PROX1: variants seen among roughly 807,000 people sequenced by gnomAD.
PROX1 encodes the protein prospero homeobox 1, also known as prospero homeobox protein 1.
Under a neutral mutation model 58.8 loss-of-function variants are expected in PROX1, and 7 were observed. The ratio of observed to expected loss-of-function variants is 0.12; its 90% CI spans 0.07 to 0.22. The LOEUF is 0.22. Among genes scored for constraint, PROX1 ranks in the 10% least tolerant of loss-of-function variants. The pLI is 1.00. For missense variants in PROX1, 675 were observed against 927.8 expected, an observed-to-expected ratio of 0.73 and a Z score of 3.54; for synonymous variants, 350 against 358.3, an observed-to-expected ratio of 0.98 and a Z score of 0.26.
intron 4 of PROX1, among the ~76,000 whole-genome samples, chr1:214,032,021 T>G (rs1484111084): frequency 6.6e-6 from 1 of 152,244 alleles, no homozygotes; most frequent in Non-Finnish European, 1.5e-5. Flanking sequence ...CTATATTAAC[T>G]AATCATTTTA....
At chr1:213,992,908 C>T (rs1434658417) in intron 1 of PROX1, among the ~76,000 whole-genome samples, 1 of 152,154 alleles carries the variant, frequency 6.6e-6, no homozygotes, top group African/African-American at 2.4e-5. Context: ...AAATTCTTTC[C>T]TCCTAACCTT....
At chr1:214,022,528 G>T (rs1405252404) in intron 4 of PROX1, among the ~76,000 whole-genome samples, 2 of 152,210 alleles carry the variant, frequency 1.3e-5, no homozygotes, top group African/African-American at 4.8e-5. Flanking sequence ...TTTCACAAGA[G>T]CAAGTGTTCC....
intron 4 of PROX1, among the ~76,000 whole-genome samples, chr1:214,017,575 A>T (rs1041416552): frequency 6.6e-6 from 1 of 152,020 alleles, no homozygotes; most frequent in Non-Finnish European, 1.5e-5. Context: ...TTTAAAAAAA[A>T]AAAAAATCGT....
intron 4 of PROX1, among the ~76,000 whole-genome samples, chr1:214,013,567 G>A (rs955663144): frequency 2.5e-4 from 1 of 4,034 alleles, no homozygotes; most frequent in East Asian, 0.25. Context: ...AAGTGCGCAC[G>A]AGGGTTTTCG....
intron 4 of PROX1, among the ~76,000 whole-genome samples, chr1:214,015,864 C>T (rs983521731): frequency 6.6e-6 from 1 of 152,178 alleles, no homozygotes; most frequent in Non-Finnish European, 1.5e-5. Context: ...CCACACATCC[C>T]TCCTGGGCCC....
intron 1 of PROX1, among the ~76,000 whole-genome samples, chr1:213,995,341 C>G (rs528795537): frequency 6.6e-6 from 1 of 152,288 alleles, no homozygotes; most frequent in South Asian, 2.1e-4. Context: ...AGGATGTTCT[C>G]TTTTTATACT....
In PROX1 at chr1:214,038,295, G is replaced by A. The variant is rs1030985851; in HGVS notation, c.*2461G>A. On this transcript the variant is annotated 3_prime_UTR_variant, in exon 5 of 5. Coordinates refer to ENST00000366958, the MANE Select transcript of PROX1 (RefSeq NM_001270616.2). ...ATAGAACTTTATCACTATGCTTTCC[G>A]GTGGTTTTCCCTTTTACAATCGAAA... is the stretch of plus-strand genomic sequence containing the variant. The A allele has an allele frequency of 6.6e-6, 1 of 151,998 alleles. No individual in the cohort carries two copies. The highest frequency in any genetic ancestry group is 1.5e-5 in the Non-Finnish European group (1 of 67,990). 9.4% of individuals were successfully genotyped at this position (151,998 alleles called of 1,614,324 possible). A position where few individuals can be genotyped will look rare whatever the true frequency, so the allele number is the denominator to read the frequency against.
At chr1:214,013,864 T>C (rs997481857) in intron 4 of PROX1, among the ~76,000 whole-genome samples, 2 of 152,190 alleles carry the variant, frequency 1.3e-5, no homozygotes, top group Non-Finnish European at 2.9e-5. Context: ...CTCATGTGAC[T>C]TCGGACAGTT....
chr1:214,028,154 C>A (rs1453290113), intron 4 of PROX1, among the ~76,000 whole-genome samples: 1 of 152,074 alleles, frequency 6.6e-6, no homozygotes, highest in Admixed American at 6.5e-5. Flanking sequence ...TGCTGGAGAA[C>A]CTTCCTCTGC....
At chr1:214,000,776 C>T (rs1043209472) in intron 2 of PROX1, among the ~76,000 whole-genome samples, 6 of 152,134 alleles carry the variant, frequency 3.9e-5, no homozygotes, top group African/African-American at 1.4e-4. Flanking sequence ...AGAGATTGGG[C>T]CCACTTTTCT....
rs546375546 is a variant in PROX1, at chr1:214,038,954, C to G, written c.*3120C>G. The G allele has an allele frequency of 1.8e-4, 28 of 152,228 alleles. No individual in the cohort carries two copies. The highest frequency in any genetic ancestry group is 6.7e-4 in the African/African-American group (28 of 41,542). 9.4% of individuals were successfully genotyped at this position (152,228 alleles called of 1,614,324 possible). On this transcript the variant is annotated 3_prime_UTR_variant, in exon 5 of 5. Transcript: ENST00000366958. ...CGAGTTTTGAAAATTCTTGTAGAAG[C>G]CAATTTTTTGTAACTGTGGTGCAAA...
intron 3 of PROX1, among the ~76,000 whole-genome samples, chr1:214,007,387 G>A (rs1373546657): frequency 6.6e-6 from 1 of 152,210 alleles, no homozygotes; most frequent in Non-Finnish European, 1.5e-5. Context: ...GAACATATCA[G>A]GCAAAGCAGA....
rs1664920029 is a variant in PROX1 at position 214,039,038 on chromosome 1, CTA to C, written c.*3210_*3211del. 1 of 152,092 alleles carries C rather than the reference CTA, an allele frequency of 6.6e-6. No individual in the cohort carries two copies. Among genetic ancestry groups the C allele is most frequent in the Non-Finnish European group, 1.5e-5 (1 of 68,016 alleles). The allele number at this position is 152,092 out of a possible 1,614,324, so 9.4% of individuals were successfully genotyped here. ...TAGAAGCAATATTTCATACCATGTG[CTA>C]TATATGTGTGCGCAGATGTGTGAAC... On this transcript the variant is annotated 3_prime_UTR_variant, in exon 5 of 5. Transcript: ENST00000366958.
intron 4 of PROX1, among the ~76,000 whole-genome samples, chr1:214,012,702 T>C (rs1558179547): frequency 6.6e-6 from 1 of 152,214 alleles, no homozygotes; most frequent in Non-Finnish European, 1.5e-5. Context: ...ACAAAGTTGG[T>C]CCATTTCTTG....
At chr1:214,004,965 T>G (rs1168614807) in intron 2 of PROX1, among the ~76,000 whole-genome samples, 200 bp from the exon 3 acceptor site, 3 of 152,206 alleles carry the variant, frequency 2.0e-5, no homozygotes, top group African/African-American at 7.2e-5. Flanking sequence ...CCATTGCATG[T>G]GGCAACCTCT....
chr1:213,997,438 G>T lies in PROX1; in HGVS notation c.903G>T (p.Glu301Asp), dbSNP rs777269627. The T allele has an allele frequency of 6.2e-7, 1 of 1,614,122 alleles. No homozygotes were observed. The highest frequency in any genetic ancestry group is 8.5e-7 in the Non-Finnish European group (1 of 1,180,032). The change falls in exon 2 of 5, where the codon GAG (glutamate) becomes GAT (aspartate). Residue 301 changes from glutamate (E) to aspartate (D), a missense_variant. This residue lies in a region of PROX1 where 403 missense variants were observed against 477.4 expected (regional missense o/e 0.84). Transcript: ENST00000366958. The surrounding 1 kb of genome is among the most constrained non-coding windows in gnomAD (Gnocchi z 7.1). ...GAAGGTCAGATAATGAGATGTGCGA[G>T]CTAGACCCAGGACAGTTTATTGACC... ...SVGRSDNEMC[E>D]LDPGQFIDRA... is the part of the protein sequence containing the mutation.
intron 2 of PROX1, among the ~76,000 whole-genome samples, chr1:214,003,954 T>C (rs1663614296): frequency 6.9e-6 from 1 of 145,668 alleles, no homozygotes; most frequent in South Asian, 2.1e-4. Flanking sequence ...GAAATTTTTG[T>C]TGGGTAGTTG....
At chr1:214,000,337 G>T (rs974680615) in intron 2 of PROX1, among the ~76,000 whole-genome samples, 6 of 152,138 alleles carry the variant, frequency 3.9e-5, no homozygotes, top group South Asian at 4.1e-4. Context: ...CAAATCCCCG[G>T]AGGAATTTTG....
At chr1:214,000,026 T>G (rs114847597) in intron 2 of PROX1, among the ~76,000 whole-genome samples, 1 of 135,554 alleles carries the variant, frequency 7.4e-6, no homozygotes, top group Non-Finnish European at 1.6e-5. Context: ...GGGTTCTTTC[T>G]GTCTCTCTCT....
Sources: gnomAD v4.1 joint callset for allele counts (sites outside exome capture counted in the v4.1 genomes callset) on GRCh38, gnomAD v4.1.1 for gene constraint, gnomAD v4.1.1 regional missense constraint, Gnocchi (gnomAD v3.1) non-coding constraint, MANE v1.5 for transcripts, NCBI Gene and HGNC (gene_info 2026-07-23, HGNC 2026-07-21) for gene names.